LYPD3: variants seen among roughly 807,000 people sequenced by gnomAD.
LYPD3 encodes the protein LY6/PLAUR domain containing 3.
A neutral mutation model predicts 21.7 loss-of-function variants in LYPD3; 22 were observed. The observed-to-expected ratio is 1.01, with a 90% CI of 0.72 to 1.45. The LOEUF is 1.45. Ranked by LOEUF, LYPD3 falls within the 40% of genes most tolerant of loss-of-function variation. The probability of loss-of-function intolerance (pLI) is 0.00; values close to 1 mark genes in which losing one functional copy is unlikely to be tolerated. For missense variants in LYPD3, 471 were observed against 466.9 expected (o/e 1.01, Z -0.08); for synonymous variants, 179 against 203.0 (o/e 0.88, Z 1.00).
At chr19:43,463,823 G>A (rs1196426996) in intron 2 of LYPD3, 54 bp from the exon 3 acceptor site, 1 of 1,567,290 alleles carries the variant, frequency 6.4e-7, no homozygotes, top group South Asian at 1.1e-5. Context: ...CAGATGGGGC[G>A]TGGCCCAGAG....
chr19:43,465,394 G>A (rs1396952371), intron 1 of LYPD3, 99 bp downstream of exon 1: 2 of 1,378,994 alleles, frequency 1.5e-6, no homozygotes, highest in Non-Finnish European at 1.0e-6. Flanking sequence ...CTGCTTATGT[G>A]GGGATCCTTC....
At position 43,461,612 on chromosome 19, in the gene LYPD3, C is replaced by T. The variant is rs749259965; in HGVS notation, c.780G>A (p.Ser260=). 7 of 1,613,860 alleles carry T rather than the reference C, an allele frequency of 4.3e-6. No individual in the cohort carries two copies. Among genetic ancestry groups the T allele is most frequent in the African/African-American group, 2.7e-5 (2 of 74,852 alleles). Residue 260 remains serine, a synonymous_variant, in exon 5 of 5, where the codon TCG becomes TCA. Coordinates refer to ENST00000244333, the MANE Select transcript of LYPD3 (RefSeq NM_014400.3). The stretch of plus-strand genomic sequence containing the variant: ...TGGTGGATGTGGGTCTCACTGGGGC[C>T]GAGGTAGAAGTGGTGACAGATGTGG... ...ASTTSVTTST[S]APVRPTSTTK...
chr19:43,465,089 C>A (rs1970811180), intron 1 of LYPD3, among the ~76,000 whole-genome samples: 1 of 151,926 alleles, frequency 6.6e-6, no homozygotes, highest in African/African-American at 2.4e-5. Flanking sequence ...CTACCGCGCC[C>A]AGCTAATTTT....
chr19:43,465,276 C>A (rs1323923739), intron 1 of LYPD3, among the ~76,000 whole-genome samples: 1 of 152,166 alleles, frequency 6.6e-6, no homozygotes, highest in Non-Finnish European at 1.5e-5. Context: ...AAATTTTGCC[C>A]ACAGCTCCCC....
At chr19:43,463,419 G>C in intron 3 of LYPD3, 132 bp from the exon 4 acceptor site, 1 of 1,363,310 alleles carries the variant, frequency 7.3e-7, no homozygotes, top group Non-Finnish European at 1.0e-6. Context: ...CCGCCCCAGC[G>C]CGCAACCTCG....
Position 43,463,587 on chromosome 19 carries a change from G to GC in LYPD3, c.382+11dup. The stretch of plus-strand genomic sequence containing the variant: ...GCTCCGCCCCCGCAGCTACGGCCCG[G>GC]CCCCCACGGACCTGCCGGGTCGAGC... On this transcript the variant is annotated intron_variant, in intron 3 of 4. Transcript: ENST00000244333. The GC allele has an allele frequency of 1.9e-6, 3 of 1,599,014 alleles. No individual in the cohort carries two copies. Among genetic ancestry groups the GC allele is most frequent in the Non-Finnish European group, 2.5e-6 (3 of 1,179,360 alleles).
Position 43,461,842 on chromosome 19 carries a change from C to A in LYPD3, c.550G>T (p.Val184Leu). The change falls in exon 5 of 5, where the codon GTG (valine) becomes TTG (leucine). Residue 184 changes from valine to leucine, a missense_variant. Val to Leu is a conservative substitution (Grantham distance 32). Coordinates refer to ENST00000244333, the MANE Select transcript of LYPD3 (RefSeq NM_014400.3). ...DGNVTLTAAN[V>L]TVSLPVRGCV... ...CCCCGGACAGGCAAGGACACAGTCACATTAGCTGCAGGAAGGAGACACAGA... is the reference window on the plus strand; with the variant it reads ...CCCCGGACAGGCAAGGACACAGTCAAATTAGCTGCAGGAAGGAGACACAGA... 6.2e-7 allele frequency: 1 copy of A among 1,603,872 alleles called. No homozygotes were observed. The highest frequency in any genetic ancestry group is 8.5e-7 in the Non-Finnish European group (1 of 1,171,738).
rs753407902 is a variant in LYPD3 at position 43,465,451 on chromosome 19, C to A, written c.79+42G>T. 7 of 1,594,922 alleles carry A rather than the reference C, an allele frequency of 4.4e-6. No individual in the cohort carries two copies. In the Admixed American group the frequency reaches 1.2e-4, roughly 27 times the overall value. On this transcript the variant is annotated intron_variant, in intron 1 of 4. Transcript: ENST00000244333. ...GCCAGAGGAGCCTCCTCCCTAAGAG[C>A]CCCCACTCTACCCCCTCCACCTCTC...
intron 2 of LYPD3, 68 bp downstream of exon 2, chr19:43,464,257 C>T: frequency 6.5e-7 from 1 of 1,538,824 alleles, no homozygotes; most frequent in Non-Finnish European, 8.7e-7. Context: ...CCAGAAAGGA[C>T]TATAAGGAGG....
intron 1 of LYPD3, 45 bp from the exon 2 acceptor site, chr19:43,464,501 C>T (rs1970805614): frequency 6.2e-7 from 1 of 1,611,928 alleles, no homozygotes; most frequent in Non-Finnish European, 8.5e-7. Flanking sequence ...CTTGCTAAAG[C>T]GTCCACCCCC....
chr19:43,464,565 G>A, intron 1 of LYPD3, 109 bp from the exon 2 acceptor site: 1 of 1,413,160 alleles, frequency 7.1e-7, no homozygotes, highest in East Asian at 2.3e-5. Flanking sequence ...CAGTCTTATT[G>A]CACACACTTT....
At position 43,461,526 on chromosome 19, in the gene LYPD3, G is replaced by T; in HGVS notation, c.866C>A (p.Ser289Tyr). ...AGTCAACCTGGGCTCCTCATCCCGGGAGGCCTCGTGTTCTACTCCCTGTCT... is the reference window on the plus strand; with the variant it reads ...AGTCAACCTGGGCTCCTCATCCCGGTAGGCCTCGTGTTCTACTCCCTGTCT... ...TPRQGVEHEA[S>Y]RDEEPRLTGG... Residue 289 changes from serine (S) to tyrosine (Y), a missense_variant, in exon 5 of 5, where the codon TCC becomes TAC. Transcript: ENST00000244333. 1 of 1,614,180 alleles carries T rather than the reference G, an allele frequency of 6.2e-7. No individual in the cohort carries two copies. Among genetic ancestry groups the T allele is most frequent in the Non-Finnish European group, 8.5e-7 (1 of 1,180,026 alleles).
rs1440481968 is a variant in LYPD3, at chr19:43,461,441, C to T, written c.951G>A (p.Gly317=). Residue 317 remains glycine, a synonymous_variant, in exon 5 of 5, where the codon GGG becomes GGA. Transcript: ENST00000244333. ...AGCCTTTATTATGGGGCTGCTGGGGCCCCCCTTTTGCAGGATACTGCCCTG... is the reference window on the plus strand; with the variant it reads ...AGCCTTTATTATGGGGCTGCTGGGGTCCCCCTTTTGCAGGATACTGCCCTG... ...SNSGQYPAKG[G]PQQPHNKGCV... 2.5e-6 allele frequency: 4 copies of T among 1,614,078 alleles called. No homozygotes were observed. The highest frequency in any genetic ancestry group is 3.4e-6 in the Non-Finnish European group (4 of 1,179,976).
Position 43,464,476 on chromosome 19 carries a change from T to TAG in LYPD3, c.80-22_80-21dup, listed in dbSNP as rs772773443. On this transcript the variant is annotated intron_variant, in intron 1 of 4. Transcript: ENST00000244333. ...GCGCTCCTGGGGGAGCGGAGCCGAA[T>TAG]AGACCTGAGCCCTCCTTGCTAAAGC... The TAG allele has an allele frequency of 5.6e-6, 9 of 1,613,688 alleles. No homozygotes were observed. The highest frequency in any genetic ancestry group is 7.6e-6 in the Non-Finnish European group (9 of 1,180,012).
rs186138454 is a variant in LYPD3, at chr19:43,460,985, G to A, written c.*366C>T. The A allele has an allele frequency of 1.4e-4, 29 of 212,910 alleles. No homozygotes were observed. The highest frequency in any genetic ancestry group is 6.2e-4 in the African/African-American group (27 of 43,858). The allele number at this position is 212,910 out of a possible 1,614,324, so 13.2% of individuals were successfully genotyped here. ...GGAGCCATTGTCCCACCCACCCCAC[G>A]CTCCAAAGTCCAGGCTGGCTAGGAG... On this transcript the variant is annotated 3_prime_UTR_variant, in exon 5 of 5. Transcript: ENST00000244333.
chr19:43,464,186 G>A (rs1385932477), intron 2 of LYPD3, 139 bp downstream of exon 2: 3 of 1,155,024 alleles, frequency 2.6e-6, no homozygotes, highest in African/African-American at 1.5e-5. Flanking sequence ...AGGCTGTGTC[G>A]TAGGGTCCCG....
At position 43,463,602 on chromosome 19, in the gene LYPD3, C is replaced by A. The variant is rs1350527200; in HGVS notation, c.379G>T (p.Ala127Ser). The A allele has an allele frequency of 2.5e-6, 4 of 1,600,462 alleles. No individual in the cohort carries two copies. The highest frequency in any genetic ancestry group is 2.2e-5 in the East Asian group (1 of 44,874). The change falls in exon 3 of 5, where the codon GCA becomes TCA. Residue 127 changes from alanine to serine, a missense_variant. Physicochemically the swap from Ala to Ser is moderately conservative, Grantham distance 99. Coordinates refer to ENST00000244333, the MANE Select transcript of LYPD3 (RefSeq NM_014400.3). ...LNLTSRALDP[A>S]GNESAYPPNG... is the part of the protein sequence containing the mutation. ...CTACGGCCCGGCCCCCACGGACCTG[C>A]CGGGTCGAGCGCCCGCGAGGTGAGG...
chr19:43,462,631 T>C (rs73041580), intron 4 of LYPD3, among the ~76,000 whole-genome samples: 5,437 of 152,228 alleles, frequency 0.036, 162 homozygotes, highest in Non-Finnish European at 0.06. Context: ...CACTCCAGGC[T>C]AGGCGATAGA....
chr19:43,461,595 G>A lies in LYPD3; in HGVS notation c.797C>T (p.Thr266Ile), dbSNP rs1424918253. 2 of 1,614,214 alleles carry A rather than the reference G, an allele frequency of 1.2e-6. No homozygotes were observed. The highest frequency in any genetic ancestry group is 1.7e-6 in the Non-Finnish European group (2 of 1,180,030). ...CGCTGGCATGGGTTTGGTGGTGGAT[G>A]TGGGTCTCACTGGGGCCGAGGTAGA... is the stretch of plus-strand genomic sequence containing the variant. ...TTSTSAPVRP[T>I]STTKPMPAPT... The change falls in exon 5 of 5, where the codon ACA (threonine) becomes ATA (isoleucine). Residue 266 changes from threonine to isoleucine, a missense_variant. Thr to Ile is a moderately conservative substitution (Grantham distance 89, BLOSUM62 -1). Transcript: ENST00000244333.
Sources: allele counts gnomAD v4.1 joint callset (sites outside exome capture counted in the v4.1 genomes callset), GRCh38; gene constraint gnomAD v4.1.1; transcripts MANE v1.5; gene names NCBI Gene and HGNC (gene_info 2026-07-23, HGNC 2026-07-21).